The following DTNA variants were observed in gnomAD, a reference collection of about 807,000 sequenced individuals.
DTNA encodes dystrophin-related protein 3.
In DTNA, 43 loss-of-function variants were observed where a neutral mutation model predicts 100.7. The observed-to-expected ratio is 0.43, with a 90% CI of 0.33 to 0.55. DTNA has a LOEUF of 0.55. Ranked by LOEUF, DTNA falls within the 20% of genes least tolerant of loss-of-function variation. The probability of loss-of-function intolerance (pLI) is 0.04; values close to 1 mark genes in which losing one functional copy is unlikely to be tolerated. For missense variants in DTNA, 798 were observed against 953.9 expected (o/e 0.84, Z 2.15); for synonymous variants, 349 against 347.9 (o/e 1.00, Z -0.04).
At position 34,887,449 on chromosome 18, in the gene DTNA, G is replaced by T. The variant is rs148646156; in HGVS notation, c.*32-317G>T. Among the ~76,000 whole-genome samples the T allele has an allele frequency of 1.1e-4, 17 of 152,216 alleles. No individual in the cohort carries two copies. The East Asian group carries it at 3.3e-3, about 29-fold the overall frequency. ...GTGGCAGCCTAATCATGGGTCACTG[G>T]TTTTATCTCTTTGTCCAAAAGACAG... is the stretch of plus-strand genomic sequence containing the variant. On this transcript the variant is annotated intron_variant, in intron 22 of 22. Coordinates refer to ENST00000444659, the MANE Select transcript of DTNA (RefSeq NM_001386795.1).
chr18:34,525,816 A>T (rs1288307872), intron 1 of DTNA, among the ~76,000 whole-genome samples: 5 of 152,300 alleles, frequency 3.3e-5, no homozygotes, highest in Admixed American at 2.0e-4. Flanking sequence ...TGTCTACTCA[A>T]GATGTCTTCT....
intron 1 of DTNA, among the ~76,000 whole-genome samples, chr18:34,628,941 A>C (rs1301783752): frequency 1.3e-5 from 2 of 152,146 alleles, no homozygotes; most frequent in African/African-American, 4.8e-5. Flanking sequence ...GGCCAACTTC[A>C]CAAAGCGCCT....
At chr18:34,556,707 C>T (rs973862118) in intron 1 of DTNA, among the ~76,000 whole-genome samples, 1 of 149,924 alleles carries the variant, frequency 6.7e-6, no homozygotes, top group Non-Finnish European at 1.5e-5. Flanking sequence ...CCCCCACTCT[C>T]TTCTGGCTTG....
intron 1 of DTNA, among the ~76,000 whole-genome samples, chr18:34,726,467 A>G (rs1306039732): frequency 6.6e-6 from 1 of 152,192 alleles, no homozygotes; most frequent in African/African-American, 2.4e-5. Context: ...CTGTAAGATA[A>G]AAATCAAGTT....
At chr18:34,672,334 A>G (rs544524955) in intron 1 of DTNA, among the ~76,000 whole-genome samples, 2 of 152,340 alleles carry the variant, frequency 1.3e-5, no homozygotes, top group East Asian at 1.9e-4. Context: ...TAAATACACA[A>G]TGAGACTCAC....
At chr18:34,740,311 C>T (rs1375293539) in intron 1 of DTNA, among the ~76,000 whole-genome samples, 1 of 152,134 alleles carries the variant, frequency 6.6e-6, no homozygotes, top group Non-Finnish European at 1.5e-5. Flanking sequence ...CCAGAACCAT[C>T]AGGAAATGGC....
At chr18:34,567,990 G>A (rs2146351374) in intron 1 of DTNA, among the ~76,000 whole-genome samples, 1 of 152,024 alleles carries the variant, frequency 6.6e-6, no homozygotes, top group Admixed American at 6.6e-5. Context: ...TTTCTTACAT[G>A]AATATTGCTT....
In DTNA at chr18:34,888,801, T is replaced by A; in HGVS notation, c.*1067T>A. 1.0e-6 allele frequency: 1 copy of A among 985,874 alleles called. No homozygotes were observed. The highest frequency in any genetic ancestry group is 1.2e-6 in the Non-Finnish European group (1 of 829,940). The allele number at this position is 985,874 out of a possible 1,614,324, so 61.1% of individuals were successfully genotyped here. On this transcript the variant is annotated 3_prime_UTR_variant, in exon 23 of 23. Coordinates refer to ENST00000444659, the MANE Select transcript of DTNA (RefSeq NM_001386795.1). Reference sequence around the variant, plus strand: ...TTCACAAGTTCCCCCATCAAGTTGTTTGGAGGCCTTCAGCTTTAAATGTAC... The same window carrying A: ...TTCACAAGTTCCCCCATCAAGTTGTATGGAGGCCTTCAGCTTTAAATGTAC...
chr18:34,660,976 C>CATT (rs1475253571), intron 1 of DTNA, among the ~76,000 whole-genome samples: 1 of 152,182 alleles, frequency 6.6e-6, no homozygotes, highest in Non-Finnish European at 1.5e-5. Context: ...TGTCACTGAC[C>CATT]ATTGCCCACT....
At chr18:34,637,285 C>T (rs2058764552) in intron 1 of DTNA, among the ~76,000 whole-genome samples, 1 of 152,048 alleles carries the variant, frequency 6.6e-6, no homozygotes, top group Non-Finnish European at 1.5e-5. Flanking sequence ...TTTTAGCAAC[C>T]AGGATTTAAT....
At position 34,554,186 on chromosome 18, in the gene DTNA, G is replaced by C. The variant is rs1162856288; in HGVS notation, c.-2+60672G>C. ...ATGATTTGGCTCTCTGTCTGTTGTTGGTGTATAAGAATGCTTGTGATTTTT... is the reference window on the plus strand; with the variant it reads ...ATGATTTGGCTCTCTGTCTGTTGTTCGTGTATAAGAATGCTTGTGATTTTT... On this transcript the variant is annotated intron_variant, in intron 1 of 19. Coordinates refer to the DTNA transcript ENST00000283365. Among the ~76,000 whole-genome samples the C allele has an allele frequency of 9.1e-5, 12 of 131,348 alleles. 1 individual carries two copies. Among genetic ancestry groups the C allele is most frequent in the Non-Finnish European group, 1.6e-4 (10 of 62,206 alleles). The allele number at this position is 131,348 out of a possible 152,430, so 86.2% of individuals were successfully genotyped here.
At position 34,748,359 on chromosome 18, in the gene DTNA, C is replaced by A. The variant is rs549831106; in HGVS notation, c.-1-7617C>A. Among the ~76,000 whole-genome samples, 472 of 151,962 alleles carry A rather than the reference C, an allele frequency of 3.1e-3. 3 individuals carry two copies. Among genetic ancestry groups the A allele is most frequent in the Admixed American group, 7.2e-3 (109 of 15,226 alleles). The stretch of plus-strand genomic sequence containing the variant: ...TGTTCTTGTCACATTTGCTTTTGGG[C>A]CTTAATTATAAATTATTTGCCTAGG... On this transcript the variant is annotated intron_variant, in intron 1 of 22. Coordinates refer to ENST00000444659, the MANE Select transcript of DTNA (RefSeq NM_001386795.1).
At chr18:34,613,587 A>G (rs2054647280) in intron 1 of DTNA, among the ~76,000 whole-genome samples, 1 of 152,232 alleles carries the variant, frequency 6.6e-6, no homozygotes, top group South Asian at 2.1e-4. Flanking sequence ...CTTATTGCTG[A>G]TATAAAGAAA....
chr18:34,733,072 G>A (rs886497216), intron 1 of DTNA, among the ~76,000 whole-genome samples: 8 of 152,180 alleles, frequency 5.3e-5, no homozygotes, highest in East Asian at 1.9e-4. Context: ...AGTAGTCCCC[G>A]AAATATCTGA....
At position 34,786,668 on chromosome 18, in the gene DTNA, GATATATGTATTCCCA is replaced by G. The variant is rs142133773; in HGVS notation, c.149-7365_149-7351del. On this transcript the variant is annotated intron_variant, in intron 3 of 22. Coordinates refer to ENST00000444659, the MANE Select transcript of DTNA (RefSeq NM_001386795.1). ...ACACAACACTGTCTACGCACAAGAA[GATATATGTATTCCCA>G]ATAGCAGATCAACAGATTATATCCA... Among the ~76,000 whole-genome samples the G allele has an allele frequency of 3.2e-3, 494 of 152,164 alleles. 9 individuals carry two copies. The East Asian group carries it at 0.053, about 16-fold the overall frequency.
At chr18:34,806,502 G>A (rs1412139615) in intron 5 of DTNA, among the ~76,000 whole-genome samples, 198 bp downstream of exon 5, 1 of 152,174 alleles carries the variant, frequency 6.6e-6, no homozygotes, top group Non-Finnish European at 1.5e-5. Flanking sequence ...TGAAATGAAT[G>A]TTTTCCTCTA....
At chr18:34,867,415 GAC>G in intron 17 of DTNA, 1 of 1,227,468 alleles carries the variant, frequency 8.1e-7, no homozygotes. Flanking sequence ...CTGGGTGAAG[GAC>G]ACATAACACA....
chr18:34,629,184 A>G (rs565436596), intron 1 of DTNA, among the ~76,000 whole-genome samples: 19 of 152,300 alleles, frequency 1.2e-4, no homozygotes, highest in South Asian at 4.1e-4. Flanking sequence ...TTCAGCTTCA[A>G]TTAAAACACA....
chr18:34,745,712 T>A (rs1202683575), intron 1 of DTNA, among the ~76,000 whole-genome samples: 1 of 152,224 alleles, frequency 6.6e-6, no homozygotes, highest in Non-Finnish European at 1.5e-5. Context: ...GTGTCCACTG[T>A]AATTGGCTGC....
Sources: allele counts gnomAD v4.1 joint callset (sites outside exome capture counted in the v4.1 genomes callset), GRCh38; gene constraint gnomAD v4.1.1; transcripts MANE v1.5; gene names NCBI Gene and HGNC (gene_info 2026-07-23, HGNC 2026-07-21).